ZNF608: variants seen among roughly 807,000 people sequenced by gnomAD.
ZNF608 encodes renal carcinoma antigen NY-REN-36.
In ZNF608, 12 loss-of-function variants were observed where a neutral mutation model predicts 109.0. The observed-to-expected ratio is 0.11, with a 90% confidence interval of 0.07 to 0.18. The LOEUF (loss-of-function observed/expected upper bound fraction) is 0.18, where lower values mean the gene tolerates loss of function less well. ZNF608 is among the 10% of genes least tolerant of loss of function. The pLI is 1.00. For synonymous variants in ZNF608, 732 were observed against 717.4 expected, an observed-to-expected ratio of 1.02 and a Z score of -0.33; for missense variants, 1,707 against 1,879.3, an observed-to-expected ratio of 0.91 and a Z score of 1.70.
intron 3 of ZNF608, among the ~76,000 whole-genome samples, chr5:124,673,794 C>T (rs1041017720): frequency 2.4e-4 from 37 of 152,172 alleles, no homozygotes; most frequent in South Asian, 6.2e-4. Flanking sequence ...ATCTCTAAAT[C>T]GGCTGTTTAT....
chr5:124,656,238 C>T (rs536813911), intron 3 of ZNF608, among the ~76,000 whole-genome samples: 25 of 152,248 alleles, frequency 1.6e-4, no homozygotes, highest in African/African-American at 5.8e-4. Context: ...ACACTTTATG[C>T]CCTAGTGTGC....
chr5:124,742,974 A>G (rs1212575144), intron 2 of ZNF608, among the ~76,000 whole-genome samples: 1 of 152,230 alleles, frequency 6.6e-6, no homozygotes, highest in Non-Finnish European at 1.5e-5. Flanking sequence ...TGTAGAATTA[A>G]TATGAAGATT....
chr5:124,663,861 G>A (rs1382317498), intron 3 of ZNF608, among the ~76,000 whole-genome samples: 1 of 152,066 alleles, frequency 6.6e-6, no homozygotes, highest in Non-Finnish European at 1.5e-5. Context: ...AAGTCTCCTG[G>A]TGCGGCCGAT....
chr5:124,740,422 C>G (rs1749338347), intron 2 of ZNF608, among the ~76,000 whole-genome samples: 1 of 151,116 alleles, frequency 6.6e-6, no homozygotes, highest in Non-Finnish European at 1.5e-5. Context: ...GGACTCTGTT[C>G]TTTAATTATA....
chr5:124,744,369 C>G lies in ZNF608; in HGVS notation c.621G>C (p.Ala207=). ...SSRGAKRDKD[A]GKSRKDKHDL... Reference sequence around the variant, plus strand: ...CGTGCTTGTCCTTCCTGGATTTCCCCGCATCCTTATCCCGCTTGGCGCCTC... The same window carrying G: ...CGTGCTTGTCCTTCCTGGATTTCCCGGCATCCTTATCCCGCTTGGCGCCTC... The change falls in exon 2 of 10, where the codon GCG becomes GCC. Residue 207 remains alanine, a synonymous_variant. Transcript: ENST00000513986. This position sits in a 1 kb window ranked among gnomAD's most constrained non-coding sequence, Gnocchi z 4.5. 6.2e-7 allele frequency: 1 copy of G among 1,614,262 alleles called. No homozygotes were observed. The highest frequency in any genetic ancestry group is 1.1e-5 in the South Asian group (1 of 91,086).
intron 2 of ZNF608, among the ~76,000 whole-genome samples, chr5:124,729,916 C>A (rs1748816438): frequency 6.6e-6 from 1 of 152,168 alleles, no homozygotes; most frequent in Non-Finnish European, 1.5e-5. Context: ...CAGCAAAACA[C>A]TCTCTCTCCA....
intron 3 of ZNF608, among the ~76,000 whole-genome samples, chr5:124,650,815 A>C (rs1325869733): frequency 6.6e-6 from 1 of 152,230 alleles, no homozygotes; most frequent in African/African-American, 2.4e-5. Flanking sequence ...ATCTGTTTCT[A>C]GCTAGTTTGC....
At chr5:124,678,495 G>A (rs1275652364) in intron 3 of ZNF608, among the ~76,000 whole-genome samples, 1 of 152,122 alleles carries the variant, frequency 6.6e-6, no homozygotes, top group Non-Finnish European at 1.5e-5. Context: ...ACAGACGGGG[G>A]ACTTAACCGG....
rs186100357 is a variant in ZNF608, at chr5:124,727,809, G to A, written c.906+16275C>T. ...GGCTAGAGTGCAATGGCATGACCTC[G>A]GCTCACCACAACCTCCATCTCCCGG... On this transcript the variant is annotated intron_variant, in intron 2 of 9. Transcript: ENST00000513986. 2.7e-5 allele frequency among the ~76,000 whole-genome samples: 4 copies of A among 148,228 alleles called. No individual in the cohort carries two copies. The East Asian group carries it at 7.9e-4, about 29-fold the overall frequency.
chr5:124,735,092 T>C (rs1749081961), intron 2 of ZNF608: 1 of 152,246 alleles, frequency 6.6e-6, no homozygotes, highest in Admixed American at 6.5e-5. Flanking sequence ...AAACTCTTCC[T>C]CTTAAAGTAA....
intron 2 of ZNF608, among the ~76,000 whole-genome samples, chr5:124,724,723 ACT>A (rs1754071259): frequency 6.6e-6 from 1 of 151,924 alleles, no homozygotes; most frequent in Non-Finnish European, 1.5e-5. Context: ...CATTTTGTCC[ACT>A]CTCTGAAAAA....
intron 2 of ZNF608, among the ~76,000 whole-genome samples, chr5:124,736,536 T>C (rs1030334242): frequency 6.6e-6 from 1 of 151,970 alleles, no homozygotes; most frequent in Non-Finnish European, 1.5e-5. Flanking sequence ...AAACAAAAGG[T>C]ACTTTTATGC....
chr5:124,647,630 A>G lies in ZNF608; in HGVS notation c.2754T>C (p.Pro918=). 6.2e-7 allele frequency: 1 copy of G among 1,614,206 alleles called. No individual in the cohort carries two copies. The highest frequency in any genetic ancestry group is 8.5e-7 in the Non-Finnish European group (1 of 1,180,048). ...TLVNGQAPMA[P]LHVLTQNGAE... is the part of the protein sequence containing the mutation. The stretch of plus-strand genomic sequence containing the variant: ...CCCCATTCTGGGTCAACACATGCAG[A>G]GGTGCCATTGGTGCCTGCCCGTTCA... The change falls in exon 5 of 10, where the codon CCT becomes CCC. Residue 918 remains proline, a synonymous_variant. Coordinates refer to ENST00000513986, the MANE Select transcript of ZNF608 (RefSeq NM_020747.3).
At position 124,647,368 on chromosome 5, in the gene ZNF608, G is replaced by A. The variant is rs1750560620; in HGVS notation, c.3016C>T (p.Pro1006Ser). The A allele has an allele frequency of 6.2e-7, 1 of 1,614,214 alleles. No homozygotes were observed. Among genetic ancestry groups the A allele is most frequent in the Non-Finnish European group, 8.5e-7 (1 of 1,180,042 alleles). The change falls in exon 5 of 10, where the codon CCA becomes TCA. Residue 1006 changes from proline (P) to serine (S), a missense_variant. Physicochemically the swap from Pro to Ser is moderately conservative, Grantham distance 74. Around this residue, in one of 7 missense-constraint regions of ZNF608, gnomAD observed 1,073 missense variants for 1,133.5 expected, o/e 0.95. Transcript: ENST00000513986. ...ACCTGCCCAGGGTGCATGTAACTTG[G>A]AGAATAATAAGGATCATAGCTGTGG... ...YYHSYDPYYSPSYMHPGQVGA... is the reference protein window; with the variant it reads ...YYHSYDPYYSSSYMHPGQVGA...
intron 3 of ZNF608, among the ~76,000 whole-genome samples, chr5:124,680,375 C>T (rs1176747834): frequency 1.3e-5 from 2 of 151,040 alleles, no homozygotes; most frequent in Admixed American, 1.3e-4. Context: ...AGATTTAAGT[C>T]ATAGTTTATA....
chr5:124,696,232 C>G (rs1752845865), intron 3 of ZNF608, among the ~76,000 whole-genome samples: 1 of 151,902 alleles, frequency 6.6e-6, no homozygotes, highest in Admixed American at 6.6e-5. Context: ...TCATTTCTTT[C>G]TCCAATTAAC....
At chr5:124,681,343 G>A (rs1307709041) in intron 3 of ZNF608, among the ~76,000 whole-genome samples, 2 of 152,094 alleles carry the variant, frequency 1.3e-5, no homozygotes, top group Non-Finnish European at 2.9e-5. Flanking sequence ...TGTAATCCCA[G>A]CTACTCAAGA....
At chr5:124,747,664 C>A (rs1483895098), upstream of ZNF608, among the ~76,000 whole-genome samples, 2 of 151,320 alleles carry the variant, frequency 1.3e-5, no homozygotes, top group East Asian at 3.9e-4. Flanking sequence ...GGCGAAGCTA[C>A]AAGTTATGAA....
intron 2 of ZNF608, among the ~76,000 whole-genome samples, chr5:124,743,619 G>T (rs1439875381): frequency 6.6e-6 from 1 of 152,178 alleles, no homozygotes. Flanking sequence ...TCCAGGGAGG[G>T]AACTTGAACC....
Sources: gnomAD v4.1 joint callset for allele counts (sites outside exome capture counted in the v4.1 genomes callset) on GRCh38, gnomAD v4.1.1 for gene constraint, gnomAD v4.1.1 regional missense constraint, Gnocchi (gnomAD v3.1) non-coding constraint, MANE v1.5 for transcripts, NCBI Gene and HGNC (gene_info 2026-07-23, HGNC 2026-07-21) for gene names.